VANGL2: variants seen among roughly 807,000 people sequenced by gnomAD.
The protein encoded by VANGL2 is vang-like protein 2.
Under a neutral mutation model 50.2 loss-of-function variants are expected in VANGL2, and 14 were observed. That is an observed-to-expected ratio of 0.28 (90% confidence interval 0.18 to 0.44). The LOEUF (loss-of-function observed/expected upper bound fraction) is 0.44, where lower values mean the gene tolerates loss of function less well. Ranked by LOEUF, VANGL2 falls within the 20% of genes least tolerant of loss-of-function variation. The pLI is 1.00. For synonymous variants in VANGL2, 295 were observed against 297.2 expected, an observed-to-expected ratio of 0.99 and a Z score of 0.08; for missense variants, 533 against 701.5, an observed-to-expected ratio of 0.76 and a Z score of 2.71.
intron 1 of VANGL2, among the ~76,000 whole-genome samples, chr1:160,411,868 G>A (rs1650892873): frequency 2.0e-5 from 3 of 152,124 alleles, no homozygotes; most frequent in Non-Finnish European, 4.4e-5. Flanking sequence ...TGGTTGGTGT[G>A]TGTGTGTGTG....
At position 160,419,613 on chromosome 1, in the gene VANGL2, C is replaced by T. The variant is rs1193971081; in HGVS notation, c.800+4C>T. ...TCTACAACGTTGGCCATCTCAGGTA[C>T]TAGCCCACGGCTGGAGAAGGGTTGG... is the stretch of plus-strand genomic sequence containing the variant. On this transcript the variant is annotated splice_donor_region_variant and intron_variant, in intron 4 of 7. Transcript: ENST00000368061. This position sits in a 1 kb window ranked among gnomAD's most constrained non-coding sequence, Gnocchi z 5.8. 2 of 1,598,424 alleles carry T rather than the reference C, an allele frequency of 1.3e-6. No homozygotes were observed. The highest frequency in any genetic ancestry group is 1.3e-5 in the African/African-American group (1 of 74,982).
intron 6 of VANGL2, among the ~76,000 whole-genome samples, chr1:160,421,526 C>T (rs1651274842): frequency 6.6e-6 from 1 of 152,112 alleles, no homozygotes; most frequent in Admixed American, 6.5e-5. Context: ...TCACATAGCC[C>T]CATAGGCAGT....
At position 160,416,232 on chromosome 1, in the gene VANGL2, C is replaced by G. The variant is rs774125766; in HGVS notation, c.192+50C>G. The stretch of plus-strand genomic sequence containing the variant: ...CAGACCGGGCATTTTCAGACTGCTC[C>G]TGAGGGGCTGGAGGCTCCACGGAGT... On this transcript the variant is annotated intron_variant, in intron 3 of 7. Coordinates refer to ENST00000368061, the MANE Select transcript of VANGL2 (RefSeq NM_020335.3). The G allele has an allele frequency of 5.0e-6, 8 of 1,612,876 alleles. No homozygotes were observed. The South Asian group carries it at 7.7e-5, about 16-fold the overall frequency.
Position 160,419,688 on chromosome 1 carries a change from A to G in VANGL2, c.800+79A>G, listed in dbSNP as rs2101966709. Reference sequence around the variant, plus strand: ...GGAGTGACTGCTAGGGTGGGAGGGTATGATGGTGGGCTGGAGGTGATGGGC... The same window carrying G: ...GGAGTGACTGCTAGGGTGGGAGGGTGTGATGGTGGGCTGGAGGTGATGGGC... On this transcript the variant is annotated intron_variant, in intron 4 of 7. Coordinates refer to ENST00000368061, the MANE Select transcript of VANGL2 (RefSeq NM_020335.3). The surrounding 1 kb of genome is among the most constrained non-coding windows in gnomAD (Gnocchi z 5.8). 6.5e-7 allele frequency: 1 copy of G among 1,548,318 alleles called. No homozygotes were observed. Among genetic ancestry groups the G allele is most frequent in the Non-Finnish European group, 8.7e-7 (1 of 1,155,364 alleles).
intron 6 of VANGL2, among the ~76,000 whole-genome samples, chr1:160,423,620 A>G: frequency 6.6e-6 from 1 of 152,168 alleles, no homozygotes; most frequent in Non-Finnish European, 1.5e-5. Flanking sequence ...AGATGTGTAT[A>G]TTTTCCCCAG....
At chr1:160,401,997 A>T (rs192161265) in intron 1 of VANGL2, among the ~76,000 whole-genome samples, 1 of 152,230 alleles carries the variant, frequency 6.6e-6, no homozygotes, top group East Asian at 1.9e-4. Context: ...CCTGGCAAAA[A>T]TCCCGAAAAG....
Position 160,426,644 on chromosome 1 carries a change from T to C in VANGL2, c.*1266T>C, listed in dbSNP as rs1651466584. The C allele has an allele frequency of 1.3e-5, 2 of 152,656 alleles. No homozygotes were observed. The highest frequency in any genetic ancestry group is 4.1e-4 in the South Asian group (2 of 4,830). 9.5% of individuals were successfully genotyped at this position (152,656 alleles called of 1,614,324 possible). ...CACCAAATCCAAATTCTTGATAATT[T>C]AGATCTCATTTTGAGCAAAATTTGC... On this transcript the variant is annotated 3_prime_UTR_variant, in exon 8 of 8. Transcript: ENST00000368061.
At position 160,427,563 on chromosome 1, in the gene VANGL2, T is replaced by C. The variant is rs1276603298; in HGVS notation, c.*2185T>C. ...TATCTTTGTCTTTTTTCATTATTAT[T>C]ATTATTATTATTATTATTATTACTA... is the stretch of plus-strand genomic sequence containing the variant. On this transcript the variant is annotated 3_prime_UTR_variant, in exon 8 of 8. Transcript: ENST00000368061. 1 of 150,042 alleles carries C rather than the reference T, an allele frequency of 6.7e-6. No individual in the cohort carries two copies. The highest frequency in any genetic ancestry group is 1.9e-4 in the East Asian group (1 of 5,132). The allele number at this position is 150,042 out of a possible 1,614,324, so 9.3% of individuals were successfully genotyped here.
intron 1 of VANGL2, among the ~76,000 whole-genome samples, chr1:160,409,016 G>A (rs1489295532): frequency 6.6e-6 from 1 of 152,224 alleles, no homozygotes; most frequent in South Asian, 2.1e-4. Flanking sequence ...ATGGGTGCAG[G>A]AACCACCCCT....
intron 3 of VANGL2, 53 bp from the exon 4 acceptor site, chr1:160,418,949 C>T (rs1228236586): frequency 8.3e-6 from 13 of 1,559,616 alleles, no homozygotes; most frequent in Non-Finnish European, 1.1e-5. Flanking sequence ...CCCTCCTCTT[C>T]CTCTTCTTAT....
At chr1:160,420,936 T>C in intron 5 of VANGL2, 116 bp from the exon 6 acceptor site, 1 of 1,477,348 alleles carries the variant, frequency 6.8e-7, no homozygotes, top group Non-Finnish European at 9.3e-7. Context: ...GAGGTATTGC[T>C]GGGTGGTGGG....
At position 160,415,904 on chromosome 1, in the gene VANGL2, C is replaced by T. The variant is rs933887479; in HGVS notation, c.67C>T (p.His23Tyr). Residue 23 changes from histidine (H) to tyrosine (Y), a missense_variant, in exon 2 of 8, where the codon CAC becomes TAC. Physicochemically the swap from His to Tyr is moderately conservative, Grantham distance 83. Transcript: ENST00000368061. ...KSGHSRSSRK[H>Y]RDRRDRHRSK... Reference sequence around the variant, plus strand: ...GGGCCACTCCCGCAGCTCCCGCAAGCACAGGTGGGCAGGCATGCAGGGTGA... The same window carrying T: ...GGGCCACTCCCGCAGCTCCCGCAAGTACAGGTGGGCAGGCATGCAGGGTGA... The T allele has an allele frequency of 1.2e-6, 2 of 1,614,188 alleles. No homozygotes were observed.
Position 160,419,679 on chromosome 1 carries a change from T to G in VANGL2, c.800+70T>G, listed in dbSNP as rs1571245881. The G allele has an allele frequency of 6.4e-7, 1 of 1,562,018 alleles. No homozygotes were observed. On this transcript the variant is annotated intron_variant, in intron 4 of 7. Coordinates refer to ENST00000368061, the MANE Select transcript of VANGL2 (RefSeq NM_020335.3). This position sits in a 1 kb window ranked among gnomAD's most constrained non-coding sequence, Gnocchi z 5.8. Reference sequence around the variant, plus strand: ...GGAGGATGTGGAGTGACTGCTAGGGTGGGAGGGTATGATGGTGGGCTGGAG... The same window carrying G: ...GGAGGATGTGGAGTGACTGCTAGGGGGGGAGGGTATGATGGTGGGCTGGAG...
chr1:160,425,051 A>C (rs745450658), intron 7 of VANGL2, 67 bp from the exon 8 acceptor site: 10 of 1,611,698 alleles, frequency 6.2e-6, no homozygotes, highest in Non-Finnish European at 8.5e-6. Context: ...GGAAACTATG[A>C]CCTAGGGGAT....
chr1:160,422,503 A>G (rs1272756028), intron 6 of VANGL2, among the ~76,000 whole-genome samples: 1 of 151,930 alleles, frequency 6.6e-6, no homozygotes, highest in East Asian at 1.9e-4. Flanking sequence ...GGAAGAAATG[A>G]TAGACATACA....
At position 160,416,079 on chromosome 1, in the gene VANGL2, A is replaced by C. The variant is rs754257124; in HGVS notation, c.89A>C (p.His30Pro). The C allele has an allele frequency of 1.2e-6, 2 of 1,614,204 alleles. No individual in the cohort carries two copies. The highest frequency in any genetic ancestry group is 1.1e-5 in the South Asian group (1 of 91,080). ...TGCCGCAGGGACCGCCGGGACCGAC[A>C]CCGCTCTAAGAGTCGAGATGGGGGC... ...SRKHRDRRDR[H>P]RSKSRDGGRG... Residue 30 changes from histidine (H) to proline (P), a missense_variant, in exon 3 of 8, where the codon CAC becomes CCC. By Grantham distance (77) the His-to-Pro change is moderately conservative. Coordinates refer to ENST00000368061, the MANE Select transcript of VANGL2 (RefSeq NM_020335.3).
intron 1 of VANGL2, among the ~76,000 whole-genome samples, chr1:160,414,205 A>G (rs1201213950): frequency 6.6e-6 from 1 of 152,028 alleles, no homozygotes; most frequent in Non-Finnish European, 1.5e-5. Flanking sequence ...AAATCCTTCA[A>G]AGTTTTCCTG....
rs1402771486 is a variant in VANGL2 at position 160,427,046 on chromosome 1, G to A, written c.*1668G>A. ...TTTACCCACCGCATGCTAGAGAGGA[G>A]CTCATTGGCCAATGCTTACCTTGTC... On this transcript the variant is annotated 3_prime_UTR_variant, in exon 8 of 8. Transcript: ENST00000368061. 1 of 152,752 alleles carries A rather than the reference G, an allele frequency of 6.5e-6. No homozygotes were observed. The highest frequency in any genetic ancestry group is 2.4e-5 in the African/African-American group (1 of 41,472). The allele number at this position is 152,752 out of a possible 1,614,324, so 9.5% of individuals were successfully genotyped here.
At position 160,425,492 on chromosome 1, in the gene VANGL2, T is replaced by G; in HGVS notation, c.*114T>G. 1 of 1,089,496 alleles carries G rather than the reference T, an allele frequency of 9.2e-7. No homozygotes were observed. The highest frequency in any genetic ancestry group is 1.3e-6 in the Non-Finnish European group (1 of 777,720). The allele number at this position is 1,089,496 out of a possible 1,614,324, so 67.5% of individuals were successfully genotyped here. ...CACCCTTCTTCTTCTTGCTCTTTTT[T>G]TTTTACTTGAATTAACGCACCCCCA... On this transcript the variant is annotated 3_prime_UTR_variant, in exon 8 of 8. Transcript: ENST00000368061.
Sources: gnomAD v4.1 joint callset for allele counts (sites outside exome capture counted in the v4.1 genomes callset) on GRCh38, gnomAD v4.1.1 for gene constraint, Gnocchi (gnomAD v3.1) non-coding constraint, MANE v1.5 for transcripts, NCBI Gene and HGNC (gene_info 2026-07-23, HGNC 2026-07-21) for gene names.